Variants in POU2F1 observed in about 807,000 individuals in gnomAD.
POU2F1 encodes POU class 2 homeobox 1.
POU2F1 carries 16 observed loss-of-function variants against 84.9 expected under a neutral mutation model. The observed-to-expected ratio is 0.19, with a 90% CI of 0.13 to 0.29. POU2F1 has a LOEUF of 0.29. Ranked by LOEUF, POU2F1 falls within the 10% of genes least tolerant of loss-of-function variation. The pLI is 1.00. For synonymous variants in POU2F1, 368 were observed against 368.3 expected (o/e 1.00, Z 0.01); for missense variants, 738 against 942.6 (o/e 0.78, Z 2.84).
chr1:167,351,147 G>GT (rs1385198009), intron 2 of POU2F1, among the ~76,000 whole-genome samples: 1 of 152,100 alleles, frequency 6.6e-6, no homozygotes, highest in Non-Finnish European at 1.5e-5. Context: ...AAGGTCAGGA[G>GT]TTCTAGACCA....
At chr1:167,352,767 CG>C (rs1658665574) in intron 2 of POU2F1, among the ~76,000 whole-genome samples, 1 of 152,110 alleles carries the variant, frequency 6.6e-6, no homozygotes, top group Non-Finnish European at 1.5e-5. Flanking sequence ...CTTAGTATAG[CG>C]GGCTTGAGAT....
At chr1:167,260,843 A>G (rs973361603) in intron 1 of POU2F1, among the ~76,000 whole-genome samples, 1 of 152,112 alleles carries the variant, frequency 6.6e-6, no homozygotes, top group Non-Finnish European at 1.5e-5. Context: ...GTTGCTCACT[A>G]TATGCTAGAT....
intron 1 of POU2F1, chr1:167,328,925 T>A: frequency 1.7e-6 from 1 of 591,690 alleles, no homozygotes; most frequent in Non-Finnish European, 2.2e-6. Context: ...GCATACTGAT[T>A]AAGCTTCATT....
At chr1:167,366,704 A>G (rs543268599) in intron 3 of POU2F1, among the ~76,000 whole-genome samples, 2 of 152,338 alleles carry the variant, frequency 1.3e-5, no homozygotes, top group South Asian at 4.1e-4. Context: ...CAGATAAAAT[A>G]TTAAAATGAA....
intron 1 of POU2F1, among the ~76,000 whole-genome samples, chr1:167,268,592 A>T (rs1241521491): frequency 6.6e-6 from 1 of 152,216 alleles, no homozygotes; most frequent in African/African-American, 2.4e-5. Context: ...TGCCCTGCAC[A>T]TAAGGTAAAT....
chr1:167,264,232 A>G (rs1417561357), intron 1 of POU2F1, among the ~76,000 whole-genome samples: 1 of 150,560 alleles, frequency 6.6e-6, no homozygotes, highest in Admixed American at 6.6e-5. Flanking sequence ...TTCTTTTTTC[A>G]TGCTGCCCCA....
At chr1:167,385,602 GA>G (rs1220680330) in intron 8 of POU2F1, among the ~76,000 whole-genome samples, 1 of 151,372 alleles carries the variant, frequency 6.6e-6, no homozygotes, top group Non-Finnish European at 1.5e-5. Flanking sequence ...AAACAATAGG[GA>G]AAAAAAATAA....
At chr1:167,397,635 T>C (rs1372224644) in intron 10 of POU2F1, among the ~76,000 whole-genome samples, 1 of 152,174 alleles carries the variant, frequency 6.6e-6, no homozygotes, top group Non-Finnish European at 1.5e-5. Context: ...AGCCTCCACC[T>C]CCCAGGTTCA....
At chr1:167,330,966 G>A (rs1657048514) in intron 1 of POU2F1, among the ~76,000 whole-genome samples, 1 of 152,018 alleles carries the variant, frequency 6.6e-6, no homozygotes, top group African/African-American at 2.4e-5. Flanking sequence ...TGTGATCTCT[G>A]TTGACTTTCA....
chr1:167,221,820 C>A (rs533108485), intron 1 of POU2F1, among the ~76,000 whole-genome samples: 2 of 151,908 alleles, frequency 1.3e-5, no homozygotes, highest in Non-Finnish European at 2.9e-5. Flanking sequence ...GTCTGCGTGC[C>A]CCCCCTGGGG....
At chr1:167,307,441 G>A (rs186777191) in intron 1 of POU2F1, among the ~76,000 whole-genome samples, 5 of 148,584 alleles carry the variant, frequency 3.4e-5, no homozygotes, top group African/African-American at 1.2e-4. Flanking sequence ...TCTGAGTGTT[G>A]GAGAGGTCAA....
intron 1 of POU2F1, among the ~76,000 whole-genome samples, chr1:167,265,300 C>T (rs1459784171): frequency 6.6e-6 from 1 of 152,200 alleles, no homozygotes; most frequent in Non-Finnish European, 1.5e-5. Context: ...ATTCAAGATA[C>T]ATTTTAGAGA....
chr1:167,345,998 CAAA>C (rs34988697), intron 2 of POU2F1, among the ~76,000 whole-genome samples: 6 of 124,066 alleles, frequency 4.8e-5, no homozygotes, highest in Admixed American at 8.0e-5. Context: ...CGCATGTCTA[CAAA>C]AAAAAAAAAA....
Position 167,376,012 on chromosome 1 carries a change from T to TA in POU2F1, c.592-15dup. ...ATTTCAGAATCTCCAATCCATGTTT[T>TA]AATTCCAATTTTTCAGGATCTTCAA... On this transcript the variant is annotated splice_polypyrimidine_tract_variant and intron_variant, in intron 6 of 15. Coordinates refer to ENST00000367866, the MANE Select transcript of POU2F1 (RefSeq NM_002697.4). 6.2e-7 allele frequency: 1 copy of TA among 1,613,898 alleles called. No homozygotes were observed. The highest frequency in any genetic ancestry group is 8.5e-7 in the Non-Finnish European group (1 of 1,179,830).
chr1:167,267,570 T>G (rs1336566194), intron 1 of POU2F1, among the ~76,000 whole-genome samples: 1 of 151,926 alleles, frequency 6.6e-6, no homozygotes, highest in Non-Finnish European at 1.5e-5. Context: ...CATCTGAAGT[T>G]ATTTACTGCT....
In POU2F1 at chr1:167,399,252, A is replaced by AT; in HGVS notation, c.1338dup (p.Arg447SerfsTer6). The AT allele has an allele frequency of 6.2e-7, 1 of 1,614,062 alleles. No individual in the cohort carries two copies. On this transcript the variant is annotated frameshift_variant, in exon 12 of 16. Coordinates refer to ENST00000367866, the MANE Select transcript of POU2F1 (RefSeq NM_002697.4). LOFTEE classifies it high-confidence loss of function. ...TCAGCTCAATATGGAAAAAGAGGTG[A>AT]TTCGTGTTTGGTTCTGTAACCGCCG... is the stretch of plus-strand genomic sequence containing the variant.
At chr1:167,326,918 A>G (rs575721660) in intron 1 of POU2F1, among the ~76,000 whole-genome samples, 1 of 152,238 alleles carries the variant, frequency 6.6e-6, no homozygotes, top group Non-Finnish European at 1.5e-5. Flanking sequence ...TTGCAGAAAT[A>G]TCCCATAATA....
At chr1:167,390,715 G>A (rs375736649) in intron 9 of POU2F1, among the ~76,000 whole-genome samples, 26 of 152,250 alleles carry the variant, frequency 1.7e-4, no homozygotes, top group Admixed American at 6.5e-4. Context: ...GCTTGAGCCC[G>A]GGAGGTCGAG....
intron 1 of POU2F1, among the ~76,000 whole-genome samples, chr1:167,301,439 A>C (rs1654695948): frequency 6.6e-6 from 1 of 152,234 alleles, no homozygotes; most frequent in Non-Finnish European, 1.5e-5. Flanking sequence ...AGATAACATA[A>C]TTATTATTTC....
Sources: allele counts gnomAD v4.1 joint callset (sites outside exome capture counted in the v4.1 genomes callset), GRCh38; gene constraint gnomAD v4.1.1; transcripts MANE v1.5; gene names NCBI Gene and HGNC (gene_info 2026-07-23, HGNC 2026-07-21).